ITGAL: variants seen among roughly 807,000 people sequenced by gnomAD.
ITGAL encodes the protein integrin subunit alpha L.
In ITGAL, 68 loss-of-function variants were observed where a neutral mutation model predicts 138.4. The ratio of observed to expected loss-of-function variants is 0.49; its 90% confidence interval spans 0.40 to 0.60. The LOEUF is 0.60. ITGAL is among the 20% of genes least tolerant of loss of function. The pLI, the probability that ITGAL is intolerant of heterozygous loss-of-function variation, is 0.00. For synonymous variants in ITGAL, 561 were observed against 584.3 expected (o/e 0.96, Z 0.57); for missense variants, 1,256 against 1,478.6 (o/e 0.85, Z 2.47).
rs1297523874 is a variant in ITGAL at position 30,476,250 on chromosome 16, CA to C, written c.327+683del. On this transcript the variant is annotated intron_variant, in intron 4 of 30. Coordinates refer to ENST00000356798, the MANE Select transcript of ITGAL (RefSeq NM_002209.3). Reference sequence around the variant, plus strand: ...TGGGCGGCAGAGTGAAATTCCGTTTCAAAAAAAAAAAAAGAATCTTCCTGCC... The same window carrying C: ...TGGGCGGCAGAGTGAAATTCCGTTTCAAAAAAAAAAAAGAATCTTCCTGCC... Among the ~76,000 whole-genome samples, 868 of 131,150 alleles carry C rather than the reference CA, an allele frequency of 6.6e-3. 17 individuals carry two copies. Among genetic ancestry groups the C allele is most frequent in the Middle Eastern group, 0.061 (16 of 262 alleles). The allele number at this position is 131,150 out of a possible 152,430, so 86.0% of individuals were successfully genotyped here.
intron 1 of ITGAL, 78 bp from the exon 2 acceptor site, chr16:30,474,118 C>G: frequency 9.3e-7 from 1 of 1,080,618 alleles, no homozygotes; most frequent in Non-Finnish European, 1.4e-6. Context: ...TCCGGGTGGG[C>G]CTGGGATCGG....
chr16:30,506,711 A>G lies in ITGAL; in HGVS notation c.2367-4A>G, dbSNP rs756769972. ...CTCCATCTTTCCCTGATCATCCCCC[A>G]CAGATCCAGAGCCCTGCGTCTAACT... On this transcript the variant is annotated splice_region_variant and splice_polypyrimidine_tract_variant and intron_variant, in intron 20 of 30. Coordinates refer to ENST00000356798, the MANE Select transcript of ITGAL (RefSeq NM_002209.3). 1 of 1,608,954 alleles carries G rather than the reference A, an allele frequency of 6.2e-7. No homozygotes were observed. The highest frequency in any genetic ancestry group is 1.4e-5 in the African/African-American group (1 of 73,808).
intron 29 of ITGAL, chr16:30,519,654 C>T (rs2051222004): frequency 3.5e-6 from 2 of 575,080 alleles, no homozygotes; most frequent in Admixed American, 6.0e-5. Context: ...CCATTGAAGG[C>T]CTAGGGCTGC....
chr16:30,492,406 A>G (rs1052432513), intron 11 of ITGAL, among the ~76,000 whole-genome samples: 1 of 151,744 alleles, frequency 6.6e-6, no homozygotes, highest in African/African-American at 2.4e-5. Flanking sequence ...GCCCGCCACC[A>G]CGCCCAGCTA....
chr16:30,521,347 C>T (rs112845948), intron 30 of ITGAL, 145 bp from the exon 31 acceptor site: 1 of 602,256 alleles, frequency 1.7e-6, no homozygotes, highest in Non-Finnish European at 2.8e-6. Context: ...GCAGAGGTTG[C>T]AGTGAGCCGA....
chr16:30,485,502 G>T (rs1217844199), intron 9 of ITGAL, among the ~76,000 whole-genome samples: 1 of 152,020 alleles, frequency 6.6e-6, no homozygotes, highest in African/African-American at 2.4e-5. Context: ...GATTACAGGC[G>T]TGAGCCACTG....
intron 21 of ITGAL, 90 bp downstream of exon 21, chr16:30,506,946 C>T (rs1291451810): frequency 3.1e-5 from 44 of 1,439,380 alleles, no homozygotes; most frequent in Admixed American, 5.5e-5. Context: ...ACAGCCTGAA[C>T]ACATGGGCAG....
Position 30,481,495 on chromosome 16 carries a change from T to C in ITGAL, c.633T>C (p.Tyr211=). 6.2e-7 allele frequency: 1 copy of C among 1,613,422 alleles called. No individual in the cohort carries two copies. The highest frequency in any genetic ancestry group is 8.5e-7 in the Non-Finnish European group (1 of 1,179,460). ...AAACAGAATTTGATTTCTCAGATTA[T>C]GTTAAACGGAAGGACCCTGATGCTC... ...SYKTEFDFSD[Y]VKRKDPDALL... is the part of the protein sequence containing the mutation. The change falls in exon 7 of 31, where the codon TAT becomes TAC. Residue 211 remains tyrosine (Y), a synonymous_variant. Coordinates refer to ENST00000356798, the MANE Select transcript of ITGAL (RefSeq NM_002209.3).
intron 24 of ITGAL, among the ~76,000 whole-genome samples, chr16:30,511,413 C>T (rs866727863): frequency 6.6e-6 from 1 of 152,218 alleles, no homozygotes; most frequent in African/African-American, 2.4e-5. Context: ...AGCTGCACTG[C>T]GCAGTTGCTG....
Position 30,510,477 on chromosome 16 carries a change from T to C in ITGAL, c.2619+6T>C. The C allele has an allele frequency of 6.5e-7, 1 of 1,543,408 alleles. No individual in the cohort carries two copies. The highest frequency in any genetic ancestry group is 1.1e-5 in the South Asian group (1 of 89,626). The stretch of plus-strand genomic sequence containing the variant: ...TCTTCAAAGCAGGCCACTCGGTGAG[T>C]GCTTCAAGTCTCCAGGGACCAAGCA... On this transcript the variant is annotated splice_donor_region_variant and intron_variant, in intron 22 of 30. Coordinates refer to ENST00000356798, the MANE Select transcript of ITGAL (RefSeq NM_002209.3).
intron 17 of ITGAL, among the ~76,000 whole-genome samples, chr16:30,499,757 C>G (rs1466837190): frequency 3.2e-5 from 2 of 61,866 alleles, no homozygotes; most frequent in Non-Finnish European, 5.9e-5. Context: ...GACACAGAGT[C>G]TCGCTCTGTC....
At position 30,521,957 on chromosome 16, in the gene ITGAL, A is replaced by C; in HGVS notation, c.*292A>C. The C allele has an allele frequency of 5.7e-6, 2 of 353,680 alleles. No individual in the cohort carries two copies. Among genetic ancestry groups the C allele is most frequent in the Non-Finnish European group, 1.1e-5 (2 of 190,324 alleles). 21.9% of individuals were successfully genotyped at this position (353,680 alleles called of 1,614,324 possible). A position where few individuals can be genotyped will look rare whatever the true frequency, so the allele number is the denominator to read the frequency against. On this transcript the variant is annotated 3_prime_UTR_variant, in exon 31 of 31. Transcript: ENST00000356798. ...CCTTGGAAGAGAATGTCTGATCTAAATGTGGAGAAACTGTAGTCTCAGGAC... is the reference window on the plus strand; with the variant it reads ...CCTTGGAAGAGAATGTCTGATCTAACTGTGGAGAAACTGTAGTCTCAGGAC...
At position 30,481,301 on chromosome 16, in the gene ITGAL, G is replaced by T. The variant is rs1206085289; in HGVS notation, c.577-138G>T. The T allele has an allele frequency of 3.3e-5, 22 of 661,380 alleles. No individual in the cohort carries two copies. The South Asian group carries it at 4.4e-4, about 13-fold the overall frequency. 41.0% of individuals were successfully genotyped at this position (661,380 alleles called of 1,614,324 possible). A position where few individuals can be genotyped will look rare whatever the true frequency, so the allele number is the denominator to read the frequency against. Reference sequence around the variant, plus strand: ...GCAGAGGTTGCAGTGAGCCAAGATTGTGCCAGTGCACTCCAGCCTGGGCAA... The same window carrying T: ...GCAGAGGTTGCAGTGAGCCAAGATTTTGCCAGTGCACTCCAGCCTGGGCAA... On this transcript the variant is annotated intron_variant, in intron 6 of 30. Transcript: ENST00000356798.
At position 30,499,250 on chromosome 16, in the gene ITGAL, C is replaced by T. The variant is rs1557672; in HGVS notation, c.1993+16C>T. The T allele has an allele frequency of 0.34, 548,015 of 1,613,060 alleles. 99,450 individuals carry two copies. Among genetic ancestry groups the T allele is most frequent in the East Asian group, 0.61 (27,143 of 44,842 alleles). Reference sequence around the variant, plus strand: ...CAGTTCCAAGGTCAGAGCTCTCCTCCTGCTCCCAGGGCAGCTGCCGCCCCA... The same window carrying T: ...CAGTTCCAAGGTCAGAGCTCTCCTCTTGCTCCCAGGGCAGCTGCCGCCCCA... On this transcript the variant is annotated intron_variant, in intron 16 of 30. Coordinates refer to ENST00000356798, the MANE Select transcript of ITGAL (RefSeq NM_002209.3).
chr16:30,496,449 C>A lies in ITGAL; in HGVS notation c.1715C>A (p.Thr572Asn), dbSNP rs201352078. ...TCTTGCTCTCAGCGGATAGAAGGGACCCAAGTGCTCTCAGGAATTCAGTGG... is the reference window on the plus strand; with the variant it reads ...TCTTGCTCTCAGCGGATAGAAGGGAACCAAGTGCTCTCAGGAATTCAGTGG... Reference protein sequence around the residue: ...SPQPSQRIEGTQVLSGIQWFG... With the variant: ...SPQPSQRIEGNQVLSGIQWFG... Residue 572 changes from threonine (T) to asparagine (N), a missense_variant, in exon 15 of 31, where the codon ACC becomes AAC. By Grantham distance (65) the Thr-to-Asn change is moderately conservative. Around this residue, in one of 3 missense-constraint regions of ITGAL, gnomAD observed 867 missense variants for 972.5 expected, o/e 0.89. Transcript: ENST00000356798. 78 of 1,613,750 alleles carry A rather than the reference C, an allele frequency of 4.8e-5. No homozygotes were observed. The highest frequency in any genetic ancestry group is 6.0e-5 in the Non-Finnish European group (71 of 1,179,964).
intron 18 of ITGAL, chr16:30,505,024 A>G (rs1597095910): frequency 5.3e-6 from 2 of 376,042 alleles, no homozygotes; most frequent in South Asian, 9.8e-5. Flanking sequence ...GTCTTAAAAA[A>G]AAAAAAAAAA....
chr16:30,479,527 T>C (rs148322002), intron 6 of ITGAL, 66 bp downstream of exon 6: 1 of 1,496,088 alleles, frequency 6.7e-7, no homozygotes, highest in East Asian at 2.4e-5. Context: ...ACTTAAACCA[T>C]GAAAGGAAAT....
intron 4 of ITGAL, among the ~76,000 whole-genome samples, chr16:30,478,712 A>G (rs199901957): frequency 4.2e-4 from 64 of 151,556 alleles, no homozygotes; most frequent in African/African-American, 8.0e-4. Context: ...AAAAAAAAAA[A>G]AAAGAAAGAA....
intron 15 of ITGAL, 84 bp downstream of exon 15, chr16:30,496,650 G>GT (rs200781748): frequency 1.3e-4 from 166 of 1,300,362 alleles, no homozygotes; most frequent in Middle Eastern, 2.8e-4. Context: ...ATTTATTTTG[G>GT]TTTTTTTTAG....
Sources: allele counts gnomAD v4.1 joint callset (sites outside exome capture counted in the v4.1 genomes callset), GRCh38; gene constraint gnomAD v4.1.1; regional missense constraint gnomAD v4.1.1; transcripts MANE v1.5; gene names NCBI Gene and HGNC (gene_info 2026-07-23, HGNC 2026-07-21).